Variants in SULF1 observed in about 807,000 individuals in gnomAD.
The protein encoded by SULF1 is sulfatase 1.
A neutral mutation model predicts 110.5 loss-of-function variants in SULF1; 46 were observed. That is an observed-to-expected ratio of 0.42 (90% CI 0.33 to 0.53). The LOEUF (loss-of-function observed/expected upper bound fraction) is 0.53. Ranked by LOEUF, SULF1 falls within the 20% of genes least tolerant of loss-of-function variation. The pLI is 0.12. For synonymous variants in SULF1, 371 were observed against 387.1 expected (o/e 0.96, Z 0.49); for missense variants, 941 against 1,094.2 (o/e 0.86, Z 1.98).
intron 3 of SULF1, among the ~76,000 whole-genome samples, chr8:69,555,993 C>T (rs962914087): frequency 1.3e-5 from 2 of 152,034 alleles, no homozygotes; most frequent in African/African-American, 4.8e-5. Context: ...AAAAAATCCC[C>T]GAATCTGTCG....
chr8:69,658,213 G>C (rs979751029), intron 22 of SULF1, among the ~76,000 whole-genome samples: 1 of 152,096 alleles, frequency 6.6e-6, no homozygotes, highest in East Asian at 1.9e-4. Context: ...GATTTGAGTG[G>C]GGCCAGGAGT....
intron 5 of SULF1, among the ~76,000 whole-genome samples, chr8:69,573,849 C>T (rs1339021130): frequency 6.6e-6 from 1 of 152,230 alleles, no homozygotes. Context: ...TCTTCACCAT[C>T]AGTGAAACGA....
At chr8:69,547,080 G>A (rs1326269080) in intron 3 of SULF1, among the ~76,000 whole-genome samples, 1 of 152,074 alleles carries the variant, frequency 6.6e-6, no homozygotes, top group Non-Finnish European at 1.5e-5. Flanking sequence ...AGATAAAAAT[G>A]GAAAATAATT....
intron 3 of SULF1, among the ~76,000 whole-genome samples, chr8:69,536,004 C>T (rs149409095): frequency 2.0e-5 from 3 of 151,454 alleles, no homozygotes; most frequent in African/African-American, 7.3e-5. Context: ...AGCAAAAATA[C>T]GAGACTCCGA....
intron 3 of SULF1, among the ~76,000 whole-genome samples, chr8:69,554,657 T>C (rs1011352881): frequency 1.3e-4 from 18 of 143,340 alleles, no homozygotes; most frequent in African/African-American, 4.8e-4. Context: ...TTGTTAGCCT[T>C]TCTAAAAAAA....
rs1316159322 is a variant in SULF1 at position 69,629,643 on chromosome 8, G to A, written c.2248G>A (p.Asp750Asn). 1.9e-6 allele frequency: 3 copies of A among 1,611,998 alleles called. No individual in the cohort carries two copies. In the East Asian group the frequency reaches 6.7e-5, roughly 36 times the overall value. ...SLPGLTCFTH[D>N]NNHWQTAPFW... ...GCCTGGCCTCACTTGCTTCACGCAT[G>A]ACAACAACCACTGGCAGACAGCCCC... is the stretch of plus-strand genomic sequence containing the variant. The change falls in exon 19 of 23, where the codon GAC (aspartate) becomes AAC (asparagine). Residue 750 changes from aspartate to asparagine, a missense_variant. This residue lies in a region of SULF1 where 7 missense variants were observed against 26.3 expected (regional missense o/e 0.27). Coordinates refer to ENST00000402687, the MANE Select transcript of SULF1 (RefSeq NM_001128205.2).
chr8:69,513,544 C>T (rs1811717944), intron 3 of SULF1, among the ~76,000 whole-genome samples: 1 of 152,220 alleles, frequency 6.6e-6, no homozygotes, highest in African/African-American at 2.4e-5. Context: ...CATAGGAACA[C>T]TACATAGACA....
chr8:69,613,401 A>C (rs1233819184), intron 13 of SULF1, among the ~76,000 whole-genome samples: 1 of 151,318 alleles, frequency 6.6e-6, no homozygotes, highest in African/African-American at 2.4e-5. Flanking sequence ...AGTAGGCATA[A>C]GTAAGAACAG....
At chr8:69,650,645 C>T (rs76907362) in intron 22 of SULF1, among the ~76,000 whole-genome samples, 7,743 of 152,134 alleles carry the variant, frequency 0.051, 683 homozygotes, top group African/African-American at 0.18. Flanking sequence ...TCCTCTCCTG[C>T]GTATTTATTT....
intron 3 of SULF1, among the ~76,000 whole-genome samples, chr8:69,543,021 T>TA (rs1813966219): frequency 6.6e-6 from 1 of 152,148 alleles, no homozygotes; most frequent in Non-Finnish European, 1.5e-5. Flanking sequence ...ACATGGGACT[T>TA]ACTATGACAC....
At chr8:69,522,124 C>A (rs1201413199) in intron 3 of SULF1, among the ~76,000 whole-genome samples, 1 of 151,792 alleles carries the variant, frequency 6.6e-6, no homozygotes, top group Admixed American at 6.6e-5. Flanking sequence ...GATCTCAGCT[C>A]ACTGCAACCT....
At chr8:69,516,318 G>A (rs921784134) in intron 3 of SULF1, among the ~76,000 whole-genome samples, 7 of 152,164 alleles carry the variant, frequency 4.6e-5, no homozygotes, top group Admixed American at 3.9e-4. Context: ...AGGTGAAGGG[G>A]AAGCTGGCAT....
At chr8:69,630,110 G>A (rs1228510119) in intron 19 of SULF1, among the ~76,000 whole-genome samples, 1 of 152,174 alleles carries the variant, frequency 6.6e-6, no homozygotes, top group Admixed American at 6.5e-5. Context: ...CCTCTTAAAT[G>A]CAGGGCCCAT....
rs140509610 is a variant in SULF1, at chr8:69,627,273, G to A, written c.1914G>A (p.Ala638=). 1.5e-5 allele frequency: 24 copies of A among 1,613,966 alleles called. No individual in the cohort carries two copies. The highest frequency in any genetic ancestry group is 4.5e-5 in the East Asian group (2 of 44,890). The change falls in exon 16 of 23, where the codon GCG becomes GCA. Residue 638 remains alanine, a synonymous_variant. Coordinates refer to ENST00000402687, the MANE Select transcript of SULF1 (RefSeq NM_001128205.2). ...CERELYQSAR[A]WKDHKAYIDK... ...GAGAACTGTACCAATCGGCCAGAGC[G>A]TGGAAGGACCATAAGGCATACATTG...
rs16936195 is a variant in SULF1 at position 69,632,198 on chromosome 8, G to A, written c.2284+2519G>A. ...TCACTCTGCTCTTGTACACAGGAGC[G>A]AATTAGGAACTGATCCCATTCAATA... is the stretch of plus-strand genomic sequence containing the variant. On this transcript the variant is annotated intron_variant, in intron 19 of 22. Coordinates refer to ENST00000402687, the MANE Select transcript of SULF1 (RefSeq NM_001128205.2). Among the ~76,000 whole-genome samples, 2,202 of 152,260 alleles carry A rather than the reference G, an allele frequency of 0.014. 121 individuals carry two copies. In the East Asian group the frequency reaches 0.18, roughly 12 times the overall value.
At chr8:69,604,733 A>AAG in intron 12 of SULF1, 70 bp from the exon 13 acceptor site, 2 of 1,376,474 alleles carry the variant, frequency 1.5e-6, no homozygotes, top group Non-Finnish European at 2.0e-6. Flanking sequence ...AAAAAAAAAA[A>AAG]GGGGGCAGGA....
At chr8:69,557,417 T>C (rs931000672) in intron 3 of SULF1, among the ~76,000 whole-genome samples, 3 of 152,216 alleles carry the variant, frequency 2.0e-5, no homozygotes, top group African/African-American at 2.4e-5. Context: ...TTGGACTTTA[T>C]GCATTCTCTA....
chr8:69,471,390 G>C (rs908943535), intron 1 of SULF1, among the ~76,000 whole-genome samples: 1 of 139,478 alleles, frequency 7.2e-6, no homozygotes, highest in Non-Finnish European at 1.6e-5. Context: ...CCCCACCCAG[G>C]ACAGGAAACG....
At chr8:69,640,232 T>C (rs1421705492) in intron 21 of SULF1, among the ~76,000 whole-genome samples, 1 of 152,076 alleles carries the variant, frequency 6.6e-6, no homozygotes, top group African/African-American at 2.4e-5. Flanking sequence ...ACTTGGAATC[T>C]CAACCAACCA....
Sources: gnomAD v4.1 joint callset for allele counts (sites outside exome capture counted in the v4.1 genomes callset) on GRCh38, gnomAD v4.1.1 for gene constraint, gnomAD v4.1.1 regional missense constraint, MANE v1.5 for transcripts, NCBI Gene and HGNC (gene_info 2026-07-23, HGNC 2026-07-21) for gene names.